SAXO1: variants seen among roughly 807,000 people sequenced by gnomAD.
The protein encoded by SAXO1 is stabilizer of axonemal microtubules 1.
A neutral mutation model predicts 17.5 loss-of-function variants in SAXO1; 21 were observed. That is an observed-to-expected ratio of 1.20 (90% CI 0.85 to 1.72). The LOEUF is 1.72. Ranked by LOEUF, SAXO1 falls within the 40% of genes most tolerant of loss-of-function variation. The pLI, the probability that SAXO1 is intolerant of heterozygous loss-of-function variation, is 0.00. For missense variants in SAXO1, 843 were observed against 596.0 expected (o/e 1.41, Z -4.32); for synonymous variants, 274 against 216.5 (o/e 1.27, Z -2.33).
intron 1 of SAXO1, among the ~76,000 whole-genome samples, chr9:18,986,673 C>A (rs542827260): frequency 2.6e-4 from 40 of 151,994 alleles, no homozygotes; most frequent in Non-Finnish European, 5.1e-4. Context: ...AAAAGTTTAC[C>A]TGAAAATATC....
At chr9:18,982,475 C>A (rs1480191367) in intron 1 of SAXO1, among the ~76,000 whole-genome samples, 2 of 152,160 alleles carry the variant, frequency 1.3e-5, no homozygotes, top group African/African-American at 4.8e-5. Context: ...ATGAAACACA[C>A]AAAACAAAAG....
chr9:18,941,794 C>A lies in SAXO1; in HGVS notation c.264G>T (p.Gln88His), dbSNP rs138672348. 6.8e-6 allele frequency: 11 copies of A among 1,614,084 alleles called. No homozygotes were observed. In the African/African-American group the frequency reaches 1.5e-4, roughly 22 times the overall value. Residue 88 changes from glutamine to histidine, a missense_variant, in exon 3 of 4, where the codon CAG becomes CAT. Gln to His is a conservative substitution (Grantham distance 24). Transcript: ENST00000380534. ...PHKVAPVKVH[Q>H]YDQFVPSEEN... ...CTTCACTCGGGACGAACTGGTCATACTGGTGGACCTTCACTGGTGCCACTT... is the reference window on the plus strand; with the variant it reads ...CTTCACTCGGGACGAACTGGTCATAATGGTGGACCTTCACTGGTGCCACTT...
chr9:18,999,565 T>A (rs7019163), intron 1 of SAXO1, among the ~76,000 whole-genome samples: 2 of 129,806 alleles, frequency 1.5e-5, no homozygotes, highest in African/African-American at 5.8e-5. Context: ...CGCCGCTGCC[T>A]GGCCGCCACA....
intron 1 of SAXO1, among the ~76,000 whole-genome samples, chr9:18,986,189 T>C (rs981079153): frequency 2.6e-5 from 4 of 152,250 alleles, no homozygotes; most frequent in South Asian, 2.1e-4. Context: ...CAGCTACTAC[T>C]ACATATCCTT....
At chr9:18,961,007 A>G (rs1462324605) in intron 1 of SAXO1, among the ~76,000 whole-genome samples, 1 of 152,100 alleles carries the variant, frequency 6.6e-6, no homozygotes, top group East Asian at 1.9e-4. Flanking sequence ...TAGGCACATG[A>G]TTTTGTCAAA....
intron 3 of SAXO1, among the ~76,000 whole-genome samples, chr9:18,940,370 G>A (rs1281686696): frequency 1.3e-5 from 2 of 152,222 alleles, no homozygotes; most frequent in Non-Finnish European, 2.9e-5. Flanking sequence ...GTTAGAGGAA[G>A]AAGCTAAAGA....
At chr9:19,012,066 G>A (rs961122959) in intron 1 of SAXO1, among the ~76,000 whole-genome samples, 1 of 151,828 alleles carries the variant, frequency 6.6e-6, no homozygotes, top group African/African-American at 2.4e-5. Context: ...GGATGGTCTC[G>A]ATCTCTTGAC....
At chr9:19,000,878 C>A (rs746744561) in intron 1 of SAXO1, among the ~76,000 whole-genome samples, 1 of 152,106 alleles carries the variant, frequency 6.6e-6, no homozygotes, top group African/African-American at 2.4e-5. Context: ...AATTCAACAA[C>A]AGCAGCTAAC....
chr9:18,937,236 T>G (rs1831335973), intron 3 of SAXO1, among the ~76,000 whole-genome samples: 1 of 152,216 alleles, frequency 6.6e-6, no homozygotes, highest in Admixed American at 6.5e-5. Context: ...GTAAGTGGCA[T>G]GGGCCTTCTC....
At chr9:18,996,641 T>C (rs1218030732) in intron 1 of SAXO1, among the ~76,000 whole-genome samples, 2 of 151,950 alleles carry the variant, frequency 1.3e-5, no homozygotes, top group African/African-American at 2.4e-5. Context: ...AAATTCAACA[T>C]CCTTTCTCGA....
chr9:18,957,080 C>A (rs945299356), intron 1 of SAXO1, among the ~76,000 whole-genome samples: 2 of 152,204 alleles, frequency 1.3e-5, no homozygotes, highest in African/African-American at 4.8e-5. Context: ...TCCGATAAAC[C>A]TAAGGGCAGC....
In SAXO1 at chr9:18,930,542, C is replaced by T. The variant is rs184325833; in HGVS notation, c.422-1487G>A. Among the ~76,000 whole-genome samples the T allele has an allele frequency of 1.8e-3, 273 of 152,060 alleles. 1 individual carries two copies. The highest frequency in any genetic ancestry group is 6.2e-3 in the African/African-American group (257 of 41,498). ...GAGATGGAGTTTCACTCTTGTTGCC[C>T]AGGCTGGAGTGCAATGGCACAATCT... On this transcript the variant is annotated intron_variant, in intron 3 of 3. Coordinates refer to ENST00000380534, the MANE Select transcript of SAXO1 (RefSeq NM_153707.4).
chr9:18,949,568 C>T (rs1475739927), intron 2 of SAXO1, among the ~76,000 whole-genome samples: 1 of 152,186 alleles, frequency 6.6e-6, no homozygotes, highest in Non-Finnish European at 1.5e-5. Flanking sequence ...GCTCAGGAAT[C>T]CTTTGGCCTC....
chr9:18,939,961 C>G lies in SAXO1; in HGVS notation c.421+1676G>C, dbSNP rs928004255. 5.9e-5 allele frequency among the ~76,000 whole-genome samples: 9 copies of G among 152,158 alleles called. No homozygotes were observed. In the South Asian group the frequency reaches 1.7e-3, roughly 28 times the overall value. On this transcript the variant is annotated intron_variant, in intron 3 of 3. Coordinates refer to ENST00000380534, the MANE Select transcript of SAXO1 (RefSeq NM_153707.4). ...AAGCTGACAAGACTGGAGATATGCTCAGGTGTGTGCCCAGGTGTAGACATG... is the reference window on the plus strand; with the variant it reads ...AAGCTGACAAGACTGGAGATATGCTGAGGTGTGTGCCCAGGTGTAGACATG...
intron 2 of SAXO1, among the ~76,000 whole-genome samples, chr9:18,948,273 A>C: frequency 6.6e-6 from 1 of 152,194 alleles, no homozygotes; most frequent in Non-Finnish European, 1.5e-5. Flanking sequence ...AGAAATAATG[A>C]AATTGTGGTA....
At chr9:19,015,138 C>T (rs1015453310) in intron 1 of SAXO1, among the ~76,000 whole-genome samples, 10 of 152,160 alleles carry the variant, frequency 6.6e-5, no homozygotes, top group Admixed American at 2.6e-4. Context: ...AGCATCTTTA[C>T]CTTGCTTCTT....
At chr9:19,029,220 A>G (rs941841744) in intron 1 of SAXO1, among the ~76,000 whole-genome samples, 6 of 152,254 alleles carry the variant, frequency 3.9e-5, no homozygotes, top group African/African-American at 1.2e-4. Context: ...AAAGGACATT[A>G]AAGAATTATT....
intron 1 of SAXO1, among the ~76,000 whole-genome samples, chr9:18,975,951 C>G (rs1410465488): frequency 2.0e-5 from 3 of 152,184 alleles, no homozygotes; most frequent in African/African-American, 7.2e-5. Flanking sequence ...TACAAAGTAA[C>G]TACAGCAGTA....
At chr9:18,977,824 T>C (rs904536577) in intron 1 of SAXO1, among the ~76,000 whole-genome samples, 7 of 151,816 alleles carry the variant, frequency 4.6e-5, no homozygotes, top group African/African-American at 1.7e-4. Context: ...CAAAACCCCG[T>C]CTCTACCAAA....
Sources: allele counts gnomAD v4.1 joint callset (sites outside exome capture counted in the v4.1 genomes callset), GRCh38; gene constraint gnomAD v4.1.1; transcripts MANE v1.5; gene names NCBI Gene and HGNC (gene_info 2026-07-23, HGNC 2026-07-21).